Variants in BRD10 observed in about 807,000 individuals in gnomAD.
BRD10 encodes the protein bromodomain containing 10, also known as uncharacterized bromodomain-containing protein 10.
chr9:5,969,003 C>A, the BRD10 span: 2 of 1,609,984 alleles, frequency 1.2e-6, no homozygotes, highest in Non-Finnish European at 1.7e-6. Context: ...AATGGATTAA[C>A]TTCTCCAAGA....
the BRD10 span, among the ~76,000 whole-genome samples, chr9:5,892,717 GC>G: frequency 1.5e-4 from 23 of 152,322 alleles, no homozygotes; most frequent in Non-Finnish European, 2.5e-4. Context: ...TCTATAAGGG[GC>G]TCAGTCAAGC....
chr9:5,921,242 T>C, the BRD10 span: 9 of 1,613,988 alleles, frequency 5.6e-6, no homozygotes, highest in Non-Finnish European at 7.6e-6. Context: ...GCCTGAAGTA[T>C]TTACAATTGC....
chr9:5,968,637 G>A, the BRD10 span: 1 of 1,613,748 alleles, frequency 6.2e-7, no homozygotes, highest in Non-Finnish European at 8.5e-7. Flanking sequence ...AAGGAAGAGG[G>A]CAGGCTATCT....
the BRD10 span, among the ~76,000 whole-genome samples, chr9:5,960,349 G>T: frequency 6.6e-6 from 1 of 152,224 alleles, no homozygotes; most frequent in Non-Finnish European, 1.5e-5. Context: ...ATCACCTGAG[G>T]TCAGGAGTTC....
the BRD10 span, among the ~76,000 whole-genome samples, chr9:5,960,813 G>A: frequency 2.0e-5 from 3 of 152,094 alleles, no homozygotes; most frequent in Non-Finnish European, 2.9e-5. Context: ...CAACCAAAAT[G>A]TCCAATAAGG....
At chr9:5,997,962 A>C in the BRD10 span, among the ~76,000 whole-genome samples, 1 of 152,210 alleles carries the variant, frequency 6.6e-6, no homozygotes, top group Non-Finnish European at 1.5e-5. Context: ...AGTCAAGAAC[A>C]CTTACTTAAG....
chr9:5,934,414 A>G, the BRD10 span, among the ~76,000 whole-genome samples: 1 of 144,614 alleles, frequency 6.9e-6, no homozygotes, highest in Admixed American at 7.2e-5. Flanking sequence ...GCTGGAGTGC[A>G]GAGGTACGAT....
chr9:5,986,815 T>C, the BRD10 span, among the ~76,000 whole-genome samples: 19 of 152,230 alleles, frequency 1.2e-4, no homozygotes, highest in African/African-American at 1.7e-4. Flanking sequence ...TGATTCATAT[T>C]CATAGTTTCC....
chr9:5,918,730 T>G, the BRD10 span, among the ~76,000 whole-genome samples: 1 of 126,556 alleles, frequency 7.9e-6, no homozygotes, highest in Non-Finnish European at 1.6e-5. Flanking sequence ...GGGGCTGAGG[T>G]GGGAGGATGG....
At chr9:5,940,682 A>G in the BRD10 span, among the ~76,000 whole-genome samples, 2 of 152,174 alleles carry the variant, frequency 1.3e-5, no homozygotes, top group Admixed American at 6.5e-5. Context: ...CATTGTGTAC[A>G]TTACTTTTGG....
chr9:5,992,071 C>T, the BRD10 span, among the ~76,000 whole-genome samples: 1 of 152,180 alleles, frequency 6.6e-6, no homozygotes, highest in Non-Finnish European at 1.5e-5. Context: ...TCTGAAAGAC[C>T]TTCCCTAACT....
chr9:5,892,322 G>A, the BRD10 span: 13 of 518,508 alleles, frequency 2.5e-5, no homozygotes, highest in Non-Finnish European at 4.2e-5. Flanking sequence ...TCCCCTCACA[G>A]AGAGAAACCA....
chr9:5,937,951 C>T, the BRD10 span, among the ~76,000 whole-genome samples: 1 of 152,130 alleles, frequency 6.6e-6, no homozygotes, highest in Non-Finnish European at 1.5e-5. Context: ...ATCTAGGTCC[C>T]CTTTTTCATT....
chr9:5,922,298 C>T, the BRD10 span: 3 of 1,613,888 alleles, frequency 1.9e-6, no homozygotes, highest in Middle Eastern at 1.6e-4. Flanking sequence ...CAGAGGCTGA[C>T]CTGTGGAGGA....
At chr9:5,905,179 AT>A in the BRD10 span, among the ~76,000 whole-genome samples, 1 of 152,238 alleles carries the variant, frequency 6.6e-6, no homozygotes, top group Non-Finnish European at 1.5e-5. Flanking sequence ...TTTCATAGGC[AT>A]TATGAGTATC....
At chr9:5,937,343 C>T in the BRD10 span, among the ~76,000 whole-genome samples, 1 of 151,564 alleles carries the variant, frequency 6.6e-6, no homozygotes, top group Non-Finnish European at 1.5e-5. Context: ...TCGAGACCAG[C>T]CTGGCCAATA....
At chr9:6,005,632 C>A in the BRD10 span, among the ~76,000 whole-genome samples, 2 of 152,164 alleles carry the variant, frequency 1.3e-5, no homozygotes, top group Admixed American at 1.3e-4. Context: ...TCATTATTCC[C>A]ACATCTGATA....
the BRD10 span, chr9:5,906,793 A>T: frequency 1.3e-6 from 1 of 748,866 alleles, no homozygotes; most frequent in Non-Finnish European, 2.1e-6. Context: ...CTAGATTAAA[A>T]CTCATTCTTA....
the BRD10 span, among the ~76,000 whole-genome samples, chr9:5,889,165 T>C: frequency 6.6e-6 from 1 of 152,180 alleles, no homozygotes; most frequent in Non-Finnish European, 1.5e-5. Context: ...GCAGCTGGCA[T>C]TAATCAACAG....
Sources: gnomAD v4.1 joint callset for allele counts (sites outside exome capture counted in the v4.1 genomes callset) on GRCh38, gnomAD v4.1.1 for gene constraint, MANE v1.5 for transcripts, NCBI Gene and HGNC (gene_info 2026-07-23, HGNC 2026-07-21) for gene names.